CNTNAP3: variants seen among roughly 807,000 people sequenced by gnomAD.
CNTNAP3 encodes contactin associated protein family member 3, also known as contactin-associated protein-like 3.
In CNTNAP3, 36 loss-of-function variants were observed where a neutral mutation model predicts 92.1. The observed-to-expected ratio is 0.39, with a 90% CI of 0.30 to 0.52. The LOEUF (loss-of-function observed/expected upper bound fraction) is 0.52, where lower values mean the gene tolerates loss of function less well. CNTNAP3 is among the 20% of genes least tolerant of loss of function. The pLI is 0.76. For missense variants in CNTNAP3, 534 were observed against 1,069.6 expected, an observed-to-expected ratio of 0.50 and a Z score of 6.98; for synonymous variants, 232 against 422.3, an observed-to-expected ratio of 0.55 and a Z score of 5.53.
In CNTNAP3 at chr9:39,099,963, C is replaced by G. The variant is rs148834827; in HGVS notation, c.2943G>C (p.Gly981=). 6.8e-6 allele frequency: 11 copies of G among 1,608,370 alleles called. No homozygotes were observed. Among genetic ancestry groups the G allele is most frequent in the African/African-American group, 4.0e-5 (3 of 74,720 alleles). ...CTGAGAAGGCACAGTCACAGGTGAC[C>G]CCCCTGCGTTTCTCTCTGCATCTCC... The part of the protein sequence containing the change: ...NGGRCREKRR[G]VTCDCAFSAY... Residue 981 remains glycine, a synonymous_variant, in exon 18 of 24, where the codon GGG becomes GGC. Transcript: ENST00000297668.
chr9:39,133,542 T>C (rs1821356179), intron 12 of CNTNAP3, among the ~76,000 whole-genome samples: 3 of 151,874 alleles, frequency 2.0e-5, no homozygotes, highest in Admixed American at 6.6e-5. Flanking sequence ...TTATAAAAGA[T>C]ACATATTGGG....
intron 18 of CNTNAP3, among the ~76,000 whole-genome samples, chr9:39,093,844 GTTC>G (rs1826269015): frequency 6.6e-6 from 1 of 151,192 alleles, no homozygotes; most frequent in Non-Finnish European, 1.5e-5. Context: ...ATCTGCTTGA[GTTC>G]TTGTTTTCAA....
chr9:39,113,687 T>C (rs1427378124), intron 14 of CNTNAP3, among the ~76,000 whole-genome samples: 1 of 152,108 alleles, frequency 6.6e-6, no homozygotes, highest in East Asian at 1.9e-4. Flanking sequence ...TGATTACAGT[T>C]AAGAATATAG....
At chr9:39,095,765 A>G (rs1192860712) in intron 18 of CNTNAP3, among the ~76,000 whole-genome samples, 1 of 143,732 alleles carries the variant, frequency 7.0e-6, no homozygotes, top group Non-Finnish European at 1.5e-5. Context: ...CATTATATAT[A>G]TCTTATCAAT....
chr9:39,161,691 A>G (rs1563896437), intron 9 of CNTNAP3, among the ~76,000 whole-genome samples: 1 of 136,800 alleles, frequency 7.3e-6, no homozygotes, highest in East Asian at 2.2e-4. Context: ...AATAATAATA[A>G]TAATAAATTA....
chr9:39,107,312 GGGAA>G (rs772485564), intron 15 of CNTNAP3, among the ~76,000 whole-genome samples: 262 of 150,608 alleles, frequency 1.7e-3, no homozygotes, highest in Non-Finnish European at 2.8e-3. Context: ...GGAGGGAGTG[GGGAA>G]GGAAGGAAGG....
chr9:39,094,538 G>C (rs1826284857), intron 18 of CNTNAP3, among the ~76,000 whole-genome samples: 1 of 150,708 alleles, frequency 6.6e-6, no homozygotes, highest in South Asian at 2.1e-4. Flanking sequence ...ATTTTGGTAA[G>C]GGTCTAACTT....
At chr9:39,082,260 G>A (rs902978650) in intron 21 of CNTNAP3, among the ~76,000 whole-genome samples, 3 of 151,802 alleles carry the variant, frequency 2.0e-5, no homozygotes, top group Non-Finnish European at 2.9e-5. Flanking sequence ...ATCACAGAAA[G>A]TTCTATTGGA....
At chr9:39,132,112 C>T (rs1173160918) in intron 13 of CNTNAP3, among the ~76,000 whole-genome samples, 1 of 152,016 alleles carries the variant, frequency 6.6e-6, no homozygotes, top group Non-Finnish European at 1.5e-5. Flanking sequence ...CCTGGACTTC[C>T]TGGGCTCCAG....
chr9:39,125,548 A>G (rs944736876), intron 13 of CNTNAP3, among the ~76,000 whole-genome samples: 1 of 152,128 alleles, frequency 6.6e-6, no homozygotes, highest in Non-Finnish European at 1.5e-5. Context: ...AGTAAACAAC[A>G]ACAACAAAAC....
intron 18 of CNTNAP3, among the ~76,000 whole-genome samples, chr9:39,094,696 T>C (rs1000024135): frequency 1.3e-5 from 2 of 151,666 alleles, no homozygotes; most frequent in African/African-American, 4.8e-5. Flanking sequence ...CTCTATTCCA[T>C]TGATTTATAG....
chr9:39,102,644 G>A lies in CNTNAP3; in HGVS notation c.2608C>T (p.Pro870Ser). The A allele has an allele frequency of 7.1e-7, 1 of 1,414,212 alleles. No individual in the cohort carries two copies. The highest frequency in any genetic ancestry group is 9.7e-7 in the Non-Finnish European group (1 of 1,028,156). 87.6% of individuals were successfully genotyped at this position (1,414,212 alleles called of 1,614,324 possible). A position where few individuals can be genotyped will look rare whatever the true frequency, so the allele number is the denominator to read the frequency against. The change falls in exon 17 of 24, where the codon CCC (proline) becomes TCC (serine). Residue 870 changes from proline to serine, a missense_variant. Transcript: ENST00000297668. ...PCEVTVQSPT[P>S]FNDNQWHHVR... ...TGGTGCCACTGATTGTCATTAAAGG[G>A]AGTGGGTGACTGCACCGTGACCTCA...
intron 13 of CNTNAP3, 76 bp from the exon 14 acceptor site, chr9:39,118,335 C>A (rs1231710011): frequency 6.3e-7 from 1 of 1,594,392 alleles, no homozygotes; most frequent in Non-Finnish European, 8.6e-7. Flanking sequence ...TCCCTTTACT[C>A]CCAGGTGTAA....
chr9:39,132,807 G>A (rs1462743901), intron 13 of CNTNAP3, 125 bp downstream of exon 13: 5 of 1,113,978 alleles, frequency 4.5e-6, no homozygotes, highest in Non-Finnish European at 3.6e-6. Flanking sequence ...AGGAGAGAGT[G>A]GTCAGGGCTT....
At chr9:39,074,410 A>G (rs1825700495) in intron 23 of CNTNAP3, among the ~76,000 whole-genome samples, 1 of 144,018 alleles carries the variant, frequency 6.9e-6, no homozygotes, top group Non-Finnish European at 1.5e-5. Context: ...TGGTTAAAAT[A>G]AACCAAACAC....
chr9:39,085,656 GAGCTT>G, intron 21 of CNTNAP3, 75 bp downstream of exon 21: 1 of 1,099,334 alleles, frequency 9.1e-7, no homozygotes, highest in Non-Finnish European at 1.3e-6. Context: ...GTAAGACAAG[GAGCTT>G]CTTTCAGCAT....
chr9:39,090,018 C>A (rs1487374648), intron 18 of CNTNAP3, among the ~76,000 whole-genome samples: 2 of 152,144 alleles, frequency 1.3e-5, no homozygotes, highest in African/African-American at 2.4e-5. Flanking sequence ...CTGCTCACTG[C>A]AAGCTCTGCC....
chr9:39,106,904 T>A (rs1014880305), intron 15 of CNTNAP3, among the ~76,000 whole-genome samples: 3 of 152,128 alleles, frequency 2.0e-5, no homozygotes, highest in African/African-American at 7.2e-5. Flanking sequence ...ATTTAATAAT[T>A]CTTGAAGATA....
chr9:39,098,259 CAAGTT>C (rs1826371392), intron 18 of CNTNAP3, among the ~76,000 whole-genome samples: 1 of 149,198 alleles, frequency 6.7e-6, no homozygotes, highest in South Asian at 2.2e-4. Flanking sequence ...AATTTTATAT[CAAGTT>C]AATTCCAAAA....
Sources: gnomAD v4.1 joint callset for allele counts (sites outside exome capture counted in the v4.1 genomes callset) on GRCh38, gnomAD v4.1.1 for gene constraint, MANE v1.5 for transcripts, NCBI Gene and HGNC (gene_info 2026-07-23, HGNC 2026-07-21) for gene names.